TEX14: variants seen among roughly 807,000 people sequenced by gnomAD.
The protein encoded by TEX14 is testis expressed 14, intercellular bridge forming factor.
Under a neutral mutation model 178.6 loss-of-function variants are expected in TEX14, and 168 were observed. The ratio of observed to expected loss-of-function variants is 0.94; its 90% CI spans 0.83 to 1.07. The LOEUF is 1.07. TEX14 is among the 50% of genes least tolerant of loss of function. The pLI is 0.00. For synonymous variants in TEX14, 626 were observed against 634.1 expected (o/e 0.99, Z 0.19); for missense variants, 1,730 against 1,753.6 (o/e 0.99, Z 0.24).
At chr17:58,663,228 TC>T (rs1444457118) in intron 1 of TEX14, among the ~76,000 whole-genome samples, 2 of 151,618 alleles carry the variant, frequency 1.3e-5, no homozygotes, top group African/African-American at 2.4e-5. Context: ...TTCAAGACCA[TC>T]CTGACTAACA....
chr17:58,644,473 CA>C (rs1291974909), intron 2 of TEX14, among the ~76,000 whole-genome samples: 1 of 151,822 alleles, frequency 6.6e-6, no homozygotes, highest in Non-Finnish European at 1.5e-5. Context: ...GCTGGGATTA[CA>C]GGTGCATGCC....
chr17:58,638,519 C>A (rs2046491374), intron 2 of TEX14, among the ~76,000 whole-genome samples: 1 of 152,094 alleles, frequency 6.6e-6, no homozygotes. Flanking sequence ...TTTGCAGCAA[C>A]CTGGATGAGA....
chr17:58,621,834 T>C (rs760963259), intron 4 of TEX14, 48 bp from the exon 5 acceptor site: 39 of 1,559,610 alleles, frequency 2.5e-5, no homozygotes, highest in Non-Finnish European at 3.0e-5. Context: ...CAGTTCTCAA[T>C]GGAATGGAAG....
chr17:58,558,550 A>G (rs1447313398), intron 30 of TEX14, among the ~76,000 whole-genome samples: 1 of 152,152 alleles, frequency 6.6e-6, no homozygotes, highest in Non-Finnish European at 1.5e-5. Context: ...CACTAGGGTC[A>G]GCATTCTGGG....
At chr17:58,643,216 T>TG (rs2046614433) in intron 2 of TEX14, among the ~76,000 whole-genome samples, 1 of 152,192 alleles carries the variant, frequency 6.6e-6, no homozygotes, top group Non-Finnish European at 1.5e-5. Context: ...AAAGCTGGCC[T>TG]GTATGTTAAG....
intron 2 of TEX14, among the ~76,000 whole-genome samples, chr17:58,650,439 A>C (rs990729554): frequency 3.9e-5 from 6 of 152,078 alleles, no homozygotes; most frequent in Non-Finnish European, 7.4e-5. Context: ...GGAAAAAAAA[A>C]CCCAGGACCT....
At chr17:58,649,664 A>G (rs2046797645) in intron 2 of TEX14, among the ~76,000 whole-genome samples, 1 of 152,236 alleles carries the variant, frequency 6.6e-6, no homozygotes, top group Admixed American at 6.5e-5. Flanking sequence ...GTGATGTTCA[A>G]TATAGGTATG....
Position 58,651,859 on chromosome 17 carries a change from T to C in TEX14, c.136+7A>G. The stretch of plus-strand genomic sequence containing the variant: ...AGGTGCATCTGCCATCTCAACATGG[T>C]GCTTACCTTTCTTAAGAATTTTCTT... On this transcript the variant is annotated splice_region_variant and intron_variant, in intron 2 of 31. Transcript: ENST00000349033. 1 of 1,603,248 alleles carries C rather than the reference T, an allele frequency of 6.2e-7. No individual in the cohort carries two copies.
rs142582803 is a variant in TEX14 at position 58,602,016 on chromosome 17, C to T, written c.1528-60G>A. ...TCAGTCATCCTGAATGTCACTGGTG[C>T]TTTAGAAACCATCTAAGTATCTGAT... is the stretch of plus-strand genomic sequence containing the variant. On this transcript the variant is annotated intron_variant, in intron 12 of 31. Coordinates refer to ENST00000349033, the MANE Select transcript of TEX14 (RefSeq NM_031272.5). 787 of 1,560,220 alleles carry T rather than the reference C, an allele frequency of 5.0e-4. 7 individuals are homozygous for T. In the East Asian group the frequency reaches 0.014, roughly 28 times the overall value.
intron 20 of TEX14, among the ~76,000 whole-genome samples, chr17:58,578,610 G>A (rs2044735886): frequency 6.6e-6 from 1 of 152,162 alleles, no homozygotes; most frequent in South Asian, 2.1e-4. Flanking sequence ...AACTAGCTCT[G>A]GTTATCTGAC....
rs1328957759 is a variant in TEX14, at chr17:58,558,533, T to C, written c.4268-683A>G. ...ATTGGCAAACAGGAAGCCCAGGAGA[T>C]GCAGTCCACTAGGGTCAGCATTCTG... On this transcript the variant is annotated intron_variant, in intron 30 of 31. Transcript: ENST00000349033. Among the ~76,000 whole-genome samples the C allele has an allele frequency of 3.3e-5, 5 of 152,052 alleles. No homozygotes were observed. In the South Asian group the frequency reaches 8.3e-4, roughly 25 times the overall value.
chr17:58,558,218 G>C (rs1470636720), intron 30 of TEX14, among the ~76,000 whole-genome samples: 2 of 152,180 alleles, frequency 1.3e-5, no homozygotes, highest in African/African-American at 2.4e-5. Context: ...TTAGTGAAGT[G>C]ACTACATACA....
chr17:58,656,317 C>T (rs1471547050), intron 1 of TEX14, among the ~76,000 whole-genome samples: 2 of 152,000 alleles, frequency 1.3e-5, no homozygotes, highest in African/African-American at 4.8e-5. Flanking sequence ...TGGTGGCGGG[C>T]GCCTGTAGTC....
intron 24 of TEX14, 84 bp downstream of exon 24, chr17:58,571,837 A>G (rs1390240360): frequency 8.3e-7 from 1 of 1,212,082 alleles, no homozygotes; most frequent in Non-Finnish European, 1.2e-6. Flanking sequence ...TTTCTTAATG[A>G]ATTTGGAGAA....
rs1256397299 is a variant in TEX14, at chr17:58,622,903, T to G, written c.361A>C (p.Arg121=). 6.2e-7 allele frequency: 1 copy of G among 1,613,228 alleles called. No homozygotes were observed. Among genetic ancestry groups the G allele is most frequent in the Non-Finnish European group, 8.5e-7 (1 of 1,179,466 alleles). Residue 121 remains arginine, a synonymous_variant, in exon 4 of 32, where the codon AGG becomes CGG. Coordinates refer to ENST00000349033, the MANE Select transcript of TEX14 (RefSeq NM_031272.5). ...AGGDLRLHDE[R]GQNPKTWALT... is the part of the protein sequence containing the mutation. Reference sequence around the variant, plus strand: ...GCCCAAGTCTTCGGGTTTTGACCCCTCTCATCGTGGAGTCGCAGGTCACCT... The same window carrying G: ...GCCCAAGTCTTCGGGTTTTGACCCCGCTCATCGTGGAGTCGCAGGTCACCT...
intron 10 of TEX14, among the ~76,000 whole-genome samples, chr17:58,608,274 G>A (rs1567732742): frequency 6.6e-6 from 1 of 152,082 alleles, no homozygotes; most frequent in Admixed American, 6.6e-5. Context: ...AAAATTAGCC[G>A]GGTATGGTGG....
intron 29 of TEX14, 116 bp downstream of exon 29, chr17:58,561,404 C>A: frequency 1.4e-6 from 1 of 733,998 alleles, no homozygotes; most frequent in Non-Finnish European, 2.4e-6. Context: ...GGAGTCAGGG[C>A]TGGCTTATCT....
chr17:58,652,692 A>C (rs1178704969), intron 1 of TEX14, among the ~76,000 whole-genome samples: 1 of 152,202 alleles, frequency 6.6e-6, no homozygotes, highest in African/African-American at 2.4e-5. Context: ...TAAAATTCTA[A>C]ATACACGTTT....
chr17:58,589,802 C>T (rs142033911), intron 15 of TEX14, among the ~76,000 whole-genome samples: 5 of 151,794 alleles, frequency 3.3e-5, no homozygotes, highest in East Asian at 1.9e-4. Flanking sequence ...CAGGCTCCAG[C>T]GATCCTCCCA....
Sources: gnomAD v4.1 joint callset for allele counts (sites outside exome capture counted in the v4.1 genomes callset) on GRCh38, gnomAD v4.1.1 for gene constraint, MANE v1.5 for transcripts, NCBI Gene and HGNC (gene_info 2026-07-23, HGNC 2026-07-21) for gene names.